The following TMCO5A variants were observed in gnomAD, a reference collection of about 807,000 sequenced individuals.
TMCO5A encodes transmembrane and coiled-coil domains 5A.
In TMCO5A, 34 loss-of-function variants were observed where a neutral mutation model predicts 42.3. The ratio of observed to expected loss-of-function variants is 0.80; its 90% CI spans 0.61 to 1.07. The LOEUF is 1.07. Among genes scored for constraint, TMCO5A ranks in the 50% least tolerant of loss-of-function variants. The probability of loss-of-function intolerance (pLI) is 0.00; values close to 1 mark genes in which losing one functional copy is unlikely to be tolerated. For missense variants in TMCO5A, 357 were observed against 327.9 expected (o/e 1.09, Z -0.69); for synonymous variants, 131 against 115.6 (o/e 1.13, Z -0.86).
intron 10 of TMCO5A, among the ~76,000 whole-genome samples, chr15:37,945,027 A>G (rs1264059915): frequency 1.3e-5 from 2 of 151,866 alleles, no homozygotes; most frequent in East Asian, 3.9e-4. Flanking sequence ...CCCTCCCACT[A>G]CCTCAACCCC....
the TMCO5A span, among the ~76,000 whole-genome samples, chr15:37,997,996 T>C: frequency 6.6e-6 from 1 of 152,236 alleles, no homozygotes; most frequent in South Asian, 2.1e-4. Context: ...TTTGTATGTC[T>C]TCTTTTGAGA....
chr15:37,942,397 G>A, intron 9 of TMCO5A, 142 bp downstream of exon 9: 1 of 728,850 alleles, frequency 1.4e-6, no homozygotes, highest in Non-Finnish European at 2.3e-6. Flanking sequence ...TTAGTGATCT[G>A]GTTGACCCCA....
At position 37,938,206 on chromosome 15, in the gene TMCO5A, G is replaced by T; in HGVS notation, c.364G>T (p.Asp122Tyr). 1 of 1,580,810 alleles carries T rather than the reference G, an allele frequency of 6.3e-7. No individual in the cohort carries two copies. Among genetic ancestry groups the T allele is most frequent in the Non-Finnish European group, 8.6e-7 (1 of 1,162,348 alleles). Reference sequence around the variant, plus strand: ...AACCAATTGTGAACAAAGCAGTCCAGATGGAGCCCTAGAAGAGACAAAGGT... The same window carrying T: ...AACCAATTGTGAACAAAGCAGTCCATATGGAGCCCTAGAAGAGACAAAGGT... ...KITNCEQSSP[D>Y]GALEETKVKL... Residue 122 changes from aspartate (D) to tyrosine (Y), a missense_variant, in exon 6 of 12, where the codon GAT becomes TAT. Physicochemically the swap from Asp to Tyr is radical, Grantham distance 160 (BLOSUM62 -3). Coordinates refer to ENST00000319669, the MANE Select transcript of TMCO5A (RefSeq NM_152453.4).
At chr15:37,958,394 A>C (rs1890343935) in intron 11 of TMCO5A, among the ~76,000 whole-genome samples, 2 of 151,958 alleles carry the variant, frequency 1.3e-5, no homozygotes, top group African/African-American at 4.8e-5. Flanking sequence ...AATTTACAAG[A>C]AAAACAAACA....
the TMCO5A span, among the ~76,000 whole-genome samples, chr15:37,997,543 G>GTTCT: frequency 1.3e-5 from 2 of 152,090 alleles, no homozygotes; most frequent in Non-Finnish European, 2.9e-5. Flanking sequence ...ACAGGATCTT[G>GTTCT]TTCTTTTTTA....
At chr15:37,938,595 A>G (rs577466144) in intron 6 of TMCO5A, among the ~76,000 whole-genome samples, 1 of 152,170 alleles carries the variant, frequency 6.6e-6, no homozygotes, top group Non-Finnish European at 1.5e-5. Context: ...TATAAAAAAT[A>G]TTGTCTCCTT....
chr15:37,937,916 A>G (rs1237882750), intron 5 of TMCO5A, among the ~76,000 whole-genome samples: 1 of 152,016 alleles, frequency 6.6e-6, no homozygotes, highest in East Asian at 1.9e-4. Context: ...TGAGTAACCC[A>G]GTGCGAATTA....
the TMCO5A span, among the ~76,000 whole-genome samples, chr15:38,012,779 C>T: frequency 1.3e-5 from 2 of 152,004 alleles, no homozygotes; most frequent in Admixed American, 1.3e-4. Flanking sequence ...GGCTTCCTGT[C>T]CTAGTATCAG....
At chr15:37,968,727 C>T (rs959172598), downstream of TMCO5A, among the ~76,000 whole-genome samples, 6 of 151,956 alleles carry the variant, frequency 3.9e-5, no homozygotes, top group Middle Eastern at 3.4e-3. Flanking sequence ...GGGTTACAGG[C>T]GCCCACCACC....
chr15:38,005,264 GAAAAAAA>G, the TMCO5A span, among the ~76,000 whole-genome samples: 1 of 89,316 alleles, frequency 1.1e-5, no homozygotes, highest in Non-Finnish European at 2.5e-5. Flanking sequence ...GTACTTGACA[GAAAAAAA>G]AAAAAAAAAA....
the TMCO5A span, among the ~76,000 whole-genome samples, chr15:37,976,793 C>CTTTTTTTTTTTTT: frequency 4.3e-4 from 50 of 116,830 alleles, no homozygotes; most frequent in East Asian, 7.2e-4. Flanking sequence ...TTTCTTCTTT[C>CTTTTTTTTTTTTT]TTTTTTTTTT....
the TMCO5A span, among the ~76,000 whole-genome samples, chr15:38,005,156 T>G: frequency 1.3e-5 from 2 of 151,700 alleles, no homozygotes; most frequent in African/African-American, 2.4e-5. Context: ...TAATCAACCT[T>G]TATTCCTAAG....
chr15:37,971,250 A>G (rs2140832113), downstream of TMCO5A, among the ~76,000 whole-genome samples: 1 of 152,328 alleles, frequency 6.6e-6, no homozygotes, highest in East Asian at 1.9e-4. Context: ...ACCATGTGGA[A>G]GCTGCCAAGG....
chr15:37,962,543 C>T (rs1216288354), intron 11 of TMCO5A, among the ~76,000 whole-genome samples: 2 of 152,078 alleles, frequency 1.3e-5, no homozygotes, highest in Admixed American at 6.6e-5. Context: ...TAGGGTGATG[C>T]TGGCTTCACA....
In TMCO5A at chr15:37,951,058, A is replaced by G. The variant is rs1196057290; in HGVS notation, c.691A>G (p.Ile231Val). ...TAGGATTTTTTGCTGTCTCTTTTTC[A>G]TCACCCTATTTTTCATCAGACTGCT... ...SKKIFCCLFFITLFFIRLLSY... is the reference protein window; with the variant it reads ...SKKIFCCLFFVTLFFIRLLSY... The change falls in exon 12 of 12, where the codon ATC becomes GTC. Residue 231 changes from isoleucine to valine, a missense_variant. By Grantham distance (29) the Ile-to-Val change is conservative. Transcript: ENST00000319669. 3 of 1,611,654 alleles carry G rather than the reference A, an allele frequency of 1.9e-6. No homozygotes were observed. The highest frequency in any genetic ancestry group is 2.2e-5 in the East Asian group (1 of 44,828).
chr15:38,032,033 G>A, the TMCO5A span, among the ~76,000 whole-genome samples: 9 of 151,288 alleles, frequency 5.9e-5, no homozygotes, highest in East Asian at 9.7e-4. Context: ...TCGGCTCACC[G>A]CAACCTCTGA....
At chr15:37,956,081 G>A (rs577175769), downstream of TMCO5A, among the ~76,000 whole-genome samples, 1 of 152,248 alleles carries the variant, frequency 6.6e-6, no homozygotes, top group South Asian at 2.1e-4. Flanking sequence ...GAATCTCAGG[G>A]ACACATTTAA....
rs74759303 is a variant in TMCO5A at position 37,942,466 on chromosome 15, G to A, written c.569+211G>A. 6.4e-3 allele frequency: 3,363 copies of A among 526,772 alleles called. 94 individuals are homozygous for A. Among genetic ancestry groups the A allele is most frequent in the African/African-American group, 0.056 (2,984 of 53,168 alleles). The allele number at this position is 526,772 out of a possible 1,614,324, so 32.6% of individuals were successfully genotyped here. A position where few individuals can be genotyped will look rare whatever the true frequency, so the allele number is the denominator to read the frequency against. On this transcript the variant is annotated intron_variant, in intron 9 of 11. Transcript: ENST00000319669. ...CTCCCATCCTTCTAAAAAGACCACA[G>A]AAACACATCTCCCTTCGTAATGTTA...
chr15:37,958,837 C>G (rs1890354841), intron 11 of TMCO5A, among the ~76,000 whole-genome samples: 2 of 152,104 alleles, frequency 1.3e-5, no homozygotes. Context: ...TACTGTGGCA[C>G]TGTTCACAAT....
Sources: allele counts gnomAD v4.1 joint callset (sites outside exome capture counted in the v4.1 genomes callset), GRCh38; gene constraint gnomAD v4.1.1; transcripts MANE v1.5; gene names NCBI Gene and HGNC (gene_info 2026-07-23, HGNC 2026-07-21).